KLHL14: variants seen among roughly 807,000 people sequenced by gnomAD.
KLHL14 encodes the protein kelch like family member 14, also known as kelch-like protein 14.
A neutral mutation model predicts 64.3 loss-of-function variants in KLHL14; 22 were observed. That is an observed-to-expected ratio of 0.34 (90% CI 0.24 to 0.49). The LOEUF (loss-of-function observed/expected upper bound fraction) is 0.49. Among genes scored for constraint, KLHL14 ranks in the 20% least tolerant of loss-of-function variants. KLHL14 has a pLI of 0.99. For synonymous variants in KLHL14, 322 were observed against 333.4 expected (o/e 0.97, Z 0.37); for missense variants, 661 against 789.0 (o/e 0.84, Z 1.94).
intron 4 of KLHL14, among the ~76,000 whole-genome samples, chr18:32,687,531 G>T (rs1362821972): frequency 6.6e-6 from 1 of 152,026 alleles, no homozygotes; most frequent in Non-Finnish European, 1.5e-5. Flanking sequence ...ACAGTGTTAG[G>T]ATAAAAATAT....
At chr18:32,771,800 C>A (rs1348962169) in intron 1 of KLHL14, among the ~76,000 whole-genome samples, 1 of 14,016 alleles carries the variant, frequency 7.1e-5, no homozygotes, top group African/African-American at 2.7e-4. Context: ...GTCGAACGAG[C>A]GGGGGGGCGG....
Position 32,770,136 on chromosome 18 carries a change from G to C in KLHL14, c.456C>G (p.Asp152Glu), listed in dbSNP as rs770169548. ...LYTANVTLSL[D>E]TVEEVLSVSK... ...TGACCGACAGCACCTCCTCCACCGT[G>C]TCCAGGGACAGGGTCACGTTGGCCG... is the stretch of plus-strand genomic sequence containing the variant. Residue 152 changes from aspartate to glutamate, a missense_variant, in exon 2 of 9, where the codon GAC (aspartate) becomes GAG (glutamate). Asp to Glu is a conservative substitution (Grantham distance 45, BLOSUM62 2). Coordinates refer to ENST00000359358, the MANE Select transcript of KLHL14 (RefSeq NM_020805.3). This position sits in a 1 kb window ranked among gnomAD's most constrained non-coding sequence, Gnocchi z 6.7. The C allele has an allele frequency of 6.2e-7, 1 of 1,614,200 alleles. No individual in the cohort carries two copies.
Position 32,708,375 on chromosome 18 carries a change from T to C in KLHL14, c.1070-12823A>G, listed in dbSNP as rs140395316. Among the ~76,000 whole-genome samples the C allele has an allele frequency of 3.0e-3, 464 of 152,232 alleles. 4 individuals carry two copies. The highest frequency in any genetic ancestry group is 0.011 in the African/African-American group (452 of 41,540). On this transcript the variant is annotated intron_variant, in intron 3 of 8. Coordinates refer to ENST00000359358, the MANE Select transcript of KLHL14 (RefSeq NM_020805.3). ...TATTTGAAACACTGATACAGATCCA[T>C]GTGAGGCCATTTGAAAGGAACAGGG...
chr18:32,691,172 T>C (rs1162757118), intron 4 of KLHL14, among the ~76,000 whole-genome samples: 1 of 152,126 alleles, frequency 6.6e-6, no homozygotes, highest in African/African-American at 2.4e-5. Flanking sequence ...TTTCTCTAGA[T>C]GTTTGGTTTA....
At chr18:32,761,553 A>G (rs1450791770) in intron 2 of KLHL14, among the ~76,000 whole-genome samples, 1 of 152,072 alleles carries the variant, frequency 6.6e-6, no homozygotes, top group Admixed American at 6.5e-5. Flanking sequence ...GGCTCATCTT[A>G]TACCTTTGTT....
At chr18:32,691,913 A>G (rs1414935485) in intron 4 of KLHL14, among the ~76,000 whole-genome samples, 1 of 152,144 alleles carries the variant, frequency 6.6e-6, no homozygotes, top group Non-Finnish European at 1.5e-5. Context: ...TATATGGGGC[A>G]AAGGGTGGCA....
intron 2 of KLHL14, among the ~76,000 whole-genome samples, chr18:32,742,665 G>C (rs1311270519): frequency 6.6e-6 from 1 of 151,826 alleles, no homozygotes; most frequent in African/African-American, 2.4e-5. Context: ...CCTCCCCTCT[G>C]CTCTCCCCCT....
At chr18:32,762,848 A>G (rs1008918980) in intron 2 of KLHL14, among the ~76,000 whole-genome samples, 1 of 152,216 alleles carries the variant, frequency 6.6e-6, no homozygotes, top group African/African-American at 2.4e-5. Flanking sequence ...ACAAACATTT[A>G]TGATCTAACA....
intron 2 of KLHL14, among the ~76,000 whole-genome samples, chr18:32,767,857 T>A (rs1029817436): frequency 5.9e-5 from 9 of 152,262 alleles, no homozygotes; most frequent in Admixed American, 5.9e-4. Context: ...TCCTCTGGGT[T>A]TCTGAATTTA....
At chr18:32,696,531 C>A (rs1379671278) in intron 3 of KLHL14, among the ~76,000 whole-genome samples, 1 of 152,210 alleles carries the variant, frequency 6.6e-6, no homozygotes, top group Non-Finnish European at 1.5e-5. Context: ...ATATGGGCAC[C>A]TTAAATCTAG....
intron 2 of KLHL14, among the ~76,000 whole-genome samples, chr18:32,747,504 T>C (rs1476133873): frequency 6.6e-6 from 1 of 152,148 alleles, no homozygotes; most frequent in Non-Finnish European, 1.5e-5. Context: ...TTCCCTCACA[T>C]GTGCAATTCA....
chr18:32,694,090 A>G (rs934970995), intron 4 of KLHL14, among the ~76,000 whole-genome samples: 1 of 152,182 alleles, frequency 6.6e-6, no homozygotes, highest in African/African-American at 2.4e-5. Context: ...TTTTGTGAGA[A>G]TGAATTGTGG....
chr18:32,770,259 G>A lies in KLHL14; in HGVS notation c.333C>T (p.Pro111=). ...GGGGGCTGGTCAGCAGCTTGTCGTC[G>A]GGGGAGGAAGAAGGAGTCCCGGGCT... ...QEEPGTPSSS[P]DDKLLTSPRA... is the part of the protein sequence containing the mutation. Residue 111 remains proline (P), a synonymous_variant, in exon 2 of 9, where the codon CCC becomes CCT. Transcript: ENST00000359358. This position sits in a 1 kb window ranked among gnomAD's most constrained non-coding sequence, Gnocchi z 6.7. 2 of 1,594,440 alleles carry A rather than the reference G, an allele frequency of 1.3e-6. No homozygotes were observed. Among genetic ancestry groups the A allele is most frequent in the Non-Finnish European group, 1.7e-6 (2 of 1,168,568 alleles).
intron 3 of KLHL14, among the ~76,000 whole-genome samples, chr18:32,712,054 GT>G (rs1291142037): frequency 6.6e-6 from 1 of 152,072 alleles, no homozygotes; most frequent in Non-Finnish European, 1.5e-5. Flanking sequence ...CCCACCATTT[GT>G]TTTTGTTAAT....
At chr18:32,759,869 A>C (rs1381445862) in intron 2 of KLHL14, among the ~76,000 whole-genome samples, 17 of 152,132 alleles carry the variant, frequency 1.1e-4, no homozygotes, top group Admixed American at 1.1e-3. Context: ...TCTGTAATAC[A>C]CCCATACTGA....
At chr18:32,767,572 C>T (rs1271375635) in intron 2 of KLHL14, among the ~76,000 whole-genome samples, 2 of 152,106 alleles carry the variant, frequency 1.3e-5, no homozygotes, top group Non-Finnish European at 2.9e-5. Flanking sequence ...ATGATGTGGC[C>T]CAGTGAAGCT....
chr18:32,730,465 AT>A (rs949703486), intron 3 of KLHL14, among the ~76,000 whole-genome samples: 6 of 152,168 alleles, frequency 3.9e-5, no homozygotes, highest in Admixed American at 3.3e-4. Flanking sequence ...GTTTCCTGTG[AT>A]TTTTTCCCCT....
chr18:32,742,292 C>T (rs941373726), intron 2 of KLHL14, among the ~76,000 whole-genome samples: 1 of 130,300 alleles, frequency 7.7e-6, no homozygotes, highest in Non-Finnish European at 1.7e-5. Context: ...GTTAGAGGTT[C>T]ATTCTAGAAC....
chr18:32,763,344 A>T (rs1389664223), intron 2 of KLHL14, among the ~76,000 whole-genome samples: 2 of 152,122 alleles, frequency 1.3e-5, no homozygotes, highest in Non-Finnish European at 2.9e-5. Flanking sequence ...TGGCCTGAAG[A>T]AGAGTTAGAT....
Sources: gnomAD v4.1 joint callset for allele counts (sites outside exome capture counted in the v4.1 genomes callset) on GRCh38, gnomAD v4.1.1 for gene constraint, Gnocchi (gnomAD v3.1) non-coding constraint, MANE v1.5 for transcripts, NCBI Gene and HGNC (gene_info 2026-07-23, HGNC 2026-07-21) for gene names.